SLC2A5: variants seen among roughly 807,000 people sequenced by gnomAD.
SLC2A5 encodes the protein solute carrier family 2 member 5.
SLC2A5 carries 56 observed loss-of-function variants against 50.3 expected under a neutral mutation model. The observed-to-expected ratio is 1.11, with a 90% CI of 0.90 to 1.39. The LOEUF (loss-of-function observed/expected upper bound fraction) is 1.39. Among genes scored for constraint, SLC2A5 ranks in the 40% most tolerant of loss-of-function variants. The pLI, the probability that SLC2A5 is intolerant of heterozygous loss-of-function variation, is 0.00. For missense variants in SLC2A5, 566 were observed against 650.1 expected (o/e 0.87, Z 1.41); for synonymous variants, 269 against 281.9 (o/e 0.95, Z 0.46).
intron 3 of SLC2A5, among the ~76,000 whole-genome samples, chr1:9,052,332 T>A (rs1641600822): frequency 1.3e-5 from 2 of 151,972 alleles, no homozygotes. Context: ...ATTCCAACTA[T>A]ATGACATTCT....
chr1:9,042,645 G>A (rs562342090), intron 4 of SLC2A5, among the ~76,000 whole-genome samples: 1 of 149,438 alleles, frequency 6.7e-6, no homozygotes, highest in African/African-American at 2.5e-5. Context: ...GTGGGTGTGT[G>A]TGTGGCCTGG....
chr1:9,047,571 G>T, intron 4 of SLC2A5, 39 bp downstream of exon 4: 2 of 1,602,424 alleles, frequency 1.2e-6, no homozygotes, highest in South Asian at 2.2e-5. Flanking sequence ...CCTCCTTGAC[G>T]ACCCTCACAG....
In SLC2A5 at chr1:9,041,866, C is replaced by G. The variant is rs773127479; in HGVS notation, c.490G>C (p.Val164Leu). The change falls in exon 5 of 12, where the codon GTG (valine) becomes CTG (leucine). Residue 164 changes from valine (V) to leucine (L), a missense_variant. By Grantham distance (32) the Val-to-Leu change is conservative (BLOSUM62 1). Transcript: ENST00000377424. ...ACAGTGATGAAGAGCTGGGGCACCA[C>G]CCCGAGAGCCCCCCGCAGGTTTTTA... Reference protein sequence around the residue: ...APKNLRGALGVVPQLFITVGI... With the variant: ...APKNLRGALGLVPQLFITVGI... 3.1e-6 allele frequency: 5 copies of G among 1,614,000 alleles called. No homozygotes were observed. The Admixed American group carries it at 5.0e-5, about 16-fold the overall frequency.
At chr1:9,046,248 C>T (rs1456277595) in intron 4 of SLC2A5, among the ~76,000 whole-genome samples, 2 of 152,112 alleles carry the variant, frequency 1.3e-5, no homozygotes, top group Non-Finnish European at 2.9e-5. Context: ...CCTCTCCCCA[C>T]CTGGCAGTGA....
At position 9,040,158 on chromosome 1, in the gene SLC2A5, G is replaced by T; in HGVS notation, c.603C>A (p.Val201=). 6.4e-7 allele frequency: 1 copy of T among 1,560,118 alleles called. No individual in the cohort carries two copies. Residue 201 remains valine, a synonymous_variant, in exon 6 of 12, where the codon GTC becomes GTA. Coordinates refer to ENST00000377424, the MANE Select transcript of SLC2A5 (RefSeq NM_003039.3). The surrounding 1 kb of genome is among the most constrained non-coding windows in gnomAD (Gnocchi z 4.3). ...GCAGAAGGAGCTGCAGCGCCGCGGG[G>T]ACCCCGGTCAGCCCCAGCAGGATCG... ...GWPILLGLTG[V]PAALQLLLLP...
At chr1:9,081,894 C>T (rs1408328876) in intron 2 of SLC2A5, among the ~76,000 whole-genome samples, 1 of 152,054 alleles carries the variant, frequency 6.6e-6, no homozygotes, top group Non-Finnish European at 1.5e-5. Flanking sequence ...CCAGCCTGAA[C>T]AACATGGCAA....
chr1:9,092,966 A>G (rs1428653907), upstream of SLC2A5, among the ~76,000 whole-genome samples: 1 of 152,122 alleles, frequency 6.6e-6, no homozygotes, highest in Non-Finnish European at 1.5e-5. Context: ...CTCCCACGTA[A>G]GCCTCTAATG....
upstream of SLC2A5, among the ~76,000 whole-genome samples, chr1:9,070,836 C>CTG (rs111643348): frequency 5.3e-3 from 791 of 150,030 alleles, 5 homozygotes; most frequent in Middle Eastern, 0.011. Flanking sequence ...GCGTGGCCGT[C>CTG]TGTGTGTGTG....
chr1:9,048,979 A>G, intron 3 of SLC2A5: 1 of 358,642 alleles, frequency 2.8e-6, no homozygotes, highest in Admixed American at 3.7e-5. Context: ...ACCAGCCTTA[A>G]CAAACTATAA....
At chr1:9,087,697 G>A (rs1642417304) in intron 1 of SLC2A5, among the ~76,000 whole-genome samples, 1 of 152,066 alleles carries the variant, frequency 6.6e-6, no homozygotes, top group Admixed American at 6.6e-5. Flanking sequence ...TTTATGTGAG[G>A]AGGACAATTA....
At chr1:9,050,761 A>T (rs1162636377) in intron 3 of SLC2A5, among the ~76,000 whole-genome samples, 3 of 152,212 alleles carry the variant, frequency 2.0e-5, no homozygotes, top group Non-Finnish European at 2.9e-5. Flanking sequence ...ATCTTTAGCC[A>T]ATAAAGACAA....
Position 9,053,097 on chromosome 1 carries a change from T to TTAATATATAATATATATTATATA in SLC2A5, c.293+4350_293+4351insTATATAATATATATTATATATTA, listed in dbSNP as rs1553169456. Among the ~76,000 whole-genome samples, 65 of 112,874 alleles carry TTAATATATAATATATATTATATA rather than the reference T, an allele frequency of 5.8e-4. 1 individual carries two copies. Among genetic ancestry groups the TTAATATATAATATATATTATATA allele is most frequent in the African/African-American group, 2.2e-3 (61 of 28,262 alleles). The allele number at this position is 112,874 out of a possible 152,430, so 74.0% of individuals were successfully genotyped here. A position where few individuals can be genotyped will look rare whatever the true frequency, so the allele number is the denominator to read the frequency against. ...TTTATATATTAATATATAATATATA[T>TTAATATATAATATATATTATATA]TTATATATAATATATATTATATATT... On this transcript the variant is annotated intron_variant, in intron 3 of 11. Transcript: ENST00000377424.
At chr1:9,049,142 G>T in intron 3 of SLC2A5, 1 of 456,188 alleles carries the variant, frequency 2.2e-6, no homozygotes, top group South Asian at 1.5e-5. Flanking sequence ...CTCTGGAGGG[G>T]CCTCTCGCAA....
intron 3 of SLC2A5, chr1:9,048,978 A>T: frequency 2.8e-6 from 1 of 357,550 alleles, no homozygotes; most frequent in South Asian, 2.1e-5. Flanking sequence ...AACCAGCCTT[A>T]ACAAACTATA....
chr1:9,060,579 CA>C (rs1641909866), intron 1 of SLC2A5, among the ~76,000 whole-genome samples: 1 of 127,540 alleles, frequency 7.8e-6, no homozygotes, highest in South Asian at 2.9e-4. Flanking sequence ...CATACACACC[CA>C]CCCCCCACAC....
chr1:9,047,846 T>C (rs2124353585), intron 3 of SLC2A5, 112 bp from the exon 4 acceptor site: 1 of 1,152,764 alleles, frequency 8.7e-7, no homozygotes, highest in East Asian at 2.5e-5. Flanking sequence ...GCAGCTTTAC[T>C]GCTGTGCGTT....
rs1157914442 is a variant in SLC2A5 at position 9,038,447 on chromosome 1, T to A, written c.1158A>T (p.Gly386=). ...GGTACGTACTGGGCCCGAGGGCATG[T>A]CCTATGACGTAGGAGATGACACAGA... is the stretch of plus-strand genomic sequence containing the variant. ...SIVCVISYVI[G]HALGPSPIPA... The change falls in exon 10 of 12, where the codon GGA becomes GGT. Residue 386 remains glycine (G), a synonymous_variant. Coordinates refer to ENST00000377424, the MANE Select transcript of SLC2A5 (RefSeq NM_003039.3). 6.2e-7 allele frequency: 1 copy of A among 1,613,428 alleles called. No homozygotes were observed. Among genetic ancestry groups the A allele is most frequent in the East Asian group, 2.2e-5 (1 of 44,862 alleles).
chr1:9,054,635 A>G (rs1400348389), intron 3 of SLC2A5, among the ~76,000 whole-genome samples: 1 of 152,218 alleles, frequency 6.6e-6, no homozygotes, highest in Non-Finnish European at 1.5e-5. Context: ...TTTTAAAAAT[A>G]TAGAAGAGGC....
chr1:9,052,979 T>C (rs1276127011), intron 3 of SLC2A5, among the ~76,000 whole-genome samples: 1 of 137,550 alleles, frequency 7.3e-6, no homozygotes, highest in East Asian at 2.0e-4. Context: ...AAAAAATATA[T>C]ATATATATAT....
Sources: allele counts gnomAD v4.1 joint callset (sites outside exome capture counted in the v4.1 genomes callset), GRCh38; gene constraint gnomAD v4.1.1; non-coding constraint Gnocchi (gnomAD v3.1); transcripts MANE v1.5; gene names NCBI Gene and HGNC (gene_info 2026-07-23, HGNC 2026-07-21).